The following TAFA1 variants were observed in gnomAD, a reference collection of about 807,000 sequenced individuals.
TAFA1 encodes TAFA chemokine like family member 1.
Under a neutral mutation model 18.5 loss-of-function variants are expected in TAFA1, and 4 were observed. The ratio of observed to expected loss-of-function variants is 0.22; its 90% CI spans 0.11 to 0.49. The LOEUF is 0.49. Among genes scored for constraint, TAFA1 ranks in the 20% least tolerant of loss-of-function variants. The probability of loss-of-function intolerance (pLI) is 0.98; values close to 1 mark genes in which losing one functional copy is unlikely to be tolerated. For missense variants in TAFA1, 147 were observed against 169.0 expected, an observed-to-expected ratio of 0.87 and a Z score of 0.72; for synonymous variants, 56 against 55.2, an observed-to-expected ratio of 1.01 and a Z score of -0.06.
chr3:68,188,702 A>T (rs1413782014), intron 2 of TAFA1, among the ~76,000 whole-genome samples: 1 of 151,944 alleles, frequency 6.6e-6, no homozygotes, highest in African/African-American at 2.4e-5. Flanking sequence ...AGAGAGAGGA[A>T]AATTGTTTTT....
intron 2 of TAFA1, among the ~76,000 whole-genome samples, chr3:68,071,596 C>T (rs528874743): frequency 1.3e-5 from 2 of 152,278 alleles, no homozygotes; most frequent in Admixed American, 1.3e-4. Context: ...CCAGCTCTGC[C>T]ACTTGCTAGT....
intron 2 of TAFA1, among the ~76,000 whole-genome samples, chr3:68,344,184 T>C (rs927826009): frequency 1.1e-4 from 16 of 152,304 alleles, no homozygotes; most frequent in Middle Eastern, 3.4e-3. Context: ...TATGTGACAT[T>C]TTATAATATC....
intron 2 of TAFA1, among the ~76,000 whole-genome samples, chr3:68,031,995 G>A (rs996239597): frequency 1.3e-5 from 2 of 152,018 alleles, no homozygotes; most frequent in Non-Finnish European, 2.9e-5. Flanking sequence ...ACCTATTTAC[G>A]TATTGAGTGC....
intron 3 of TAFA1, among the ~76,000 whole-genome samples, chr3:68,472,352 C>G (rs975045718): frequency 8.5e-5 from 13 of 152,090 alleles, no homozygotes; most frequent in African/African-American, 3.1e-4. Flanking sequence ...GTGAGGCCTC[C>G]CCAGCCATGT....
chr3:68,172,598 C>T (rs1296974264), intron 2 of TAFA1, among the ~76,000 whole-genome samples: 1 of 151,906 alleles, frequency 6.6e-6, no homozygotes, highest in African/African-American at 2.4e-5. Context: ...TTCATAATAG[C>T]CAAAAAGTGG....
At chr3:68,302,521 CCTTTT>C (rs1348743591) in intron 2 of TAFA1, among the ~76,000 whole-genome samples, 3 of 152,022 alleles carry the variant, frequency 2.0e-5, no homozygotes, top group South Asian at 2.1e-4. Flanking sequence ...TGTCCATTGC[CCTTTT>C]CTTTTCTTGT....
chr3:68,302,382 C>T (rs370576671), intron 2 of TAFA1, among the ~76,000 whole-genome samples: 163 of 152,226 alleles, frequency 1.1e-3, no homozygotes, highest in South Asian at 0.01. Flanking sequence ...CAGAGAATGC[C>T]TTTGGTCTCT....
chr3:68,405,793 T>C (rs1402040976), intron 2 of TAFA1, among the ~76,000 whole-genome samples: 1 of 137,706 alleles, frequency 7.3e-6, no homozygotes, highest in African/African-American at 2.7e-5. Flanking sequence ...CCCCCACCAC[T>C]GCAGGAAGAG....
intron 3 of TAFA1, among the ~76,000 whole-genome samples, chr3:68,421,396 C>T (rs1271233488): frequency 1.3e-5 from 2 of 152,054 alleles, no homozygotes; most frequent in African/African-American, 4.8e-5. Context: ...TATTGTGTTG[C>T]TATGATCAAA....
At chr3:68,117,320 A>AT (rs998956761) in intron 2 of TAFA1, among the ~76,000 whole-genome samples, 11 of 152,232 alleles carry the variant, frequency 7.2e-5, no homozygotes, top group East Asian at 3.9e-4. Context: ...ATACTATGAG[A>AT]TTTTTTCCCA....
intron 2 of TAFA1, among the ~76,000 whole-genome samples, chr3:68,137,024 A>G (rs1377202431): frequency 2.0e-5 from 3 of 152,222 alleles, no homozygotes; most frequent in Non-Finnish European, 4.4e-5. Flanking sequence ...TTTTTAAAAG[A>G]GAAGACTGAA....
intron 2 of TAFA1, among the ~76,000 whole-genome samples, chr3:68,334,361 T>C (rs201409058): frequency 6.7e-6 from 1 of 148,464 alleles, no homozygotes; most frequent in African/African-American, 2.6e-5. Context: ...TCTTTTGTTG[T>C]TGTTGTTGTT....
At chr3:68,333,425 A>T (rs765044642) in intron 2 of TAFA1, among the ~76,000 whole-genome samples, 4 of 152,178 alleles carry the variant, frequency 2.6e-5, no homozygotes, top group Non-Finnish European at 4.4e-5. Context: ...AGTAGGAGCT[A>T]AACACAGTAC....
intron 2 of TAFA1, among the ~76,000 whole-genome samples, chr3:68,066,268 CT>C (rs1212410648): frequency 1.3e-5 from 2 of 151,958 alleles, no homozygotes; most frequent in South Asian, 2.1e-4. Flanking sequence ...TTTGTTTACT[CT>C]TTTTTTTGCC....
chr3:68,390,215 T>G (rs951387065), intron 2 of TAFA1, among the ~76,000 whole-genome samples: 10 of 152,076 alleles, frequency 6.6e-5, no homozygotes, highest in Non-Finnish European at 1.3e-4. Context: ...GGTTTTCCCC[T>G]CACAGTGTAA....
Position 68,538,794 on chromosome 3 carries a change from C to G in TAFA1, c.298C>G (p.Pro100Ala), listed in dbSNP as rs753695302. The G allele has an allele frequency of 1.2e-6, 2 of 1,613,400 alleles. No homozygotes were observed. Among genetic ancestry groups the G allele is most frequent in the Non-Finnish European group, 1.7e-6 (2 of 1,179,562 alleles). Residue 100 changes from proline to alanine, a missense_variant, in exon 4 of 5, where the codon CCT (proline) becomes GCT (alanine). Coordinates refer to ENST00000478136, the MANE Select transcript of TAFA1 (RefSeq NM_213609.4). ...VIGKWWCEMEPCLEGEECKTL... is the reference protein window; with the variant it reads ...VIGKWWCEMEACLEGEECKTL... ...TGGGAAATGGTGGTGTGAGATGGAG[C>G]CTTGCCTAGAAGGAGAAGAATGTAA... is the stretch of plus-strand genomic sequence containing the variant.
At chr3:68,537,344 T>A (rs1471848009) in intron 3 of TAFA1, among the ~76,000 whole-genome samples, 1 of 152,176 alleles carries the variant, frequency 6.6e-6, no homozygotes, top group East Asian at 1.9e-4. Context: ...AACCCCCTAA[T>A]GGCATATAAA....
At chr3:68,441,995 C>T (rs977190474) in intron 3 of TAFA1, among the ~76,000 whole-genome samples, 4 of 152,152 alleles carry the variant, frequency 2.6e-5, no homozygotes, top group African/African-American at 9.7e-5. Flanking sequence ...GATACATGGG[C>T]TGTAGCCTAG....
chr3:68,161,774 C>T (rs909157870), intron 2 of TAFA1, among the ~76,000 whole-genome samples: 1 of 152,044 alleles, frequency 6.6e-6, no homozygotes, highest in African/African-American at 2.4e-5. Flanking sequence ...GCCTTGTTTA[C>T]TTATATTTAG....
Sources: allele counts gnomAD v4.1 joint callset (sites outside exome capture counted in the v4.1 genomes callset), GRCh38; gene constraint gnomAD v4.1.1; transcripts MANE v1.5; gene names NCBI Gene and HGNC (gene_info 2026-07-23, HGNC 2026-07-21).